The following PDCD7 variants were observed in gnomAD, a reference collection of about 807,000 sequenced individuals.
PDCD7 encodes the protein programmed cell death 7.
A neutral mutation model predicts 42.1 loss-of-function variants in PDCD7; 40 were observed. That is an observed-to-expected ratio of 0.95 (90% CI 0.74 to 1.24). The LOEUF is 1.24. Ranked by LOEUF, PDCD7 falls within the 50% of genes most tolerant of loss-of-function variation. The pLI is 0.00. For synonymous variants in PDCD7, 299 were observed against 303.3 expected (o/e 0.99, Z 0.15); for missense variants, 644 against 662.8 (o/e 0.97, Z 0.31).
At chr15:65,130,135 C>G (rs35566749) in intron 1 of PDCD7, among the ~76,000 whole-genome samples, 1 of 148,262 alleles carries the variant, frequency 6.7e-6, no homozygotes, top group African/African-American at 2.5e-5. Context: ...TGAGCCACTT[C>G]GCACCCGCCC....
At chr15:65,119,073 T>A (rs966793174) in intron 4 of PDCD7, 1 of 468,900 alleles carries the variant, frequency 2.1e-6, no homozygotes, top group African/African-American at 2.0e-5. Context: ...ATAAAGTCAA[T>A]CCTCATTATT....
At chr15:65,132,841 T>G in intron 1 of PDCD7, 71 bp downstream of exon 1, 20 of 1,581,756 alleles carry the variant, frequency 1.3e-5, no homozygotes, top group Non-Finnish European at 1.7e-5. Flanking sequence ...GAAATGGAAG[T>G]TTAAAGCCTC....
In PDCD7 at chr15:65,117,967, C is replaced by T. The variant is rs929392123; in HGVS notation, c.*750G>A. ...TGACTGAGTGAGGTTAGGGAAATAT[C>T]CTTGGGGATTCTGAACAACTAGACC... On this transcript the variant is annotated 3_prime_UTR_variant, in exon 5 of 5. Transcript: ENST00000204549. 6.6e-5 allele frequency: 10 copies of T among 152,146 alleles called. No individual in the cohort carries two copies. Among genetic ancestry groups the T allele is most frequent in the Admixed American group, 6.6e-4 (10 of 15,262 alleles). The allele number at this position is 152,146 out of a possible 1,614,324, so 9.4% of individuals were successfully genotyped here.
Position 65,133,420 on chromosome 15 carries a change from C to A in PDCD7, c.362G>T (p.Arg121Leu). Residue 121 changes from arginine (R) to leucine (L), a missense_variant, in exon 1 of 5, where the codon CGG (arginine) becomes CTG (leucine). Coordinates refer to ENST00000204549, the MANE Select transcript of PDCD7 (RefSeq NM_005707.2). ...CGGCGGCGGCGGCGCCTCAGGCCAC[C>A]GCGGGCTCCAGGGCGGCCCCGGGCC... ...PPGPGPPWSP[R>L]WPEAPPPPAD... 8.4e-7 allele frequency: 1 copy of A among 1,183,470 alleles called. No homozygotes were observed. The allele number at this position is 1,183,470 out of a possible 1,614,324, so 73.3% of individuals were successfully genotyped here. A position where few individuals can be genotyped will look rare whatever the true frequency, so the allele number is the denominator to read the frequency against.
Position 65,133,789 on chromosome 15 carries a change from A to G in PDCD7, c.-8T>C. 1 of 1,361,610 alleles carries G rather than the reference A, an allele frequency of 7.3e-7. No individual in the cohort carries two copies. Among genetic ancestry groups the G allele is most frequent in the Non-Finnish European group, 9.5e-7 (1 of 1,056,064 alleles). The allele number at this position is 1,361,610 out of a possible 1,614,324, so 84.3% of individuals were successfully genotyped here. ...GAATGGTGGCAGGGCCATGTTCACGACGGAGATGCTTTGAGAAGTGACAGG... is the reference window on the plus strand; with the variant it reads ...GAATGGTGGCAGGGCCATGTTCACGGCGGAGATGCTTTGAGAAGTGACAGG... On this transcript the variant is annotated 5_prime_UTR_variant, in exon 1 of 5. Coordinates refer to ENST00000204549, the MANE Select transcript of PDCD7 (RefSeq NM_005707.2).
Position 65,133,535 on chromosome 15 carries a change from C to T in PDCD7, c.247G>A (p.Val83Met), listed in dbSNP as rs188210891. 2.8e-3 allele frequency: 3,428 copies of T among 1,228,196 alleles called. 65 individuals are homozygous for T. The African/African-American group carries it at 0.048, about 17-fold the overall frequency. The allele number at this position is 1,228,196 out of a possible 1,614,324, so 76.1% of individuals were successfully genotyped here. ...GGAGGAGGCAGCGGCGGTGGTGGCA[C>T]CGGGTAGAAGGCGCCAGCGCCGCCT... ...GGGGAGAFYP[V>M]PPPPLPPPPP... The change falls in exon 1 of 5, where the codon GTG becomes ATG. Residue 83 changes from valine to methionine, a missense_variant. Val to Met is a conservative substitution (Grantham distance 21). Transcript: ENST00000204549.
chr15:65,124,876 C>A (rs150130243), intron 2 of PDCD7, among the ~76,000 whole-genome samples: 1 of 152,274 alleles, frequency 6.6e-6, no homozygotes, highest in East Asian at 1.9e-4. Flanking sequence ...AGCTACAGTA[C>A]TACTGGAAGA....
intron 1 of PDCD7, among the ~76,000 whole-genome samples, chr15:65,129,915 A>ATT (rs746709395): frequency 8.5e-4 from 72 of 84,954 alleles, no homozygotes; most frequent in Non-Finnish European, 1.1e-3. Flanking sequence ...GAAACTTTGT[A>ATT]TTTTTTTTTT....
Position 65,133,481 on chromosome 15 carries a change from T to C in PDCD7, c.301A>G (p.Thr101Ala). The C allele has an allele frequency of 8.2e-7, 1 of 1,220,946 alleles. No homozygotes were observed. Among genetic ancestry groups the C allele is most frequent in the Admixed American group, 4.3e-5 (1 of 23,216 alleles). 75.6% of individuals were successfully genotyped at this position (1,220,946 alleles called of 1,614,324 possible). ...GGCCGCGGCCGCTCGCCGGCGTCGG[T>C]CCCCGGGAAGGGCCGACACTGGGGC... ...PPPQCRPFPGTDAGERPRPPP... is the reference protein window; with the variant it reads ...PPPQCRPFPGADAGERPRPPP... Residue 101 changes from threonine to alanine, a missense_variant, in exon 1 of 5, where the codon ACC (threonine) becomes GCC (alanine). Physicochemically the swap from Thr to Ala is moderately conservative, Grantham distance 58 (BLOSUM62 0). Transcript: ENST00000204549.
In PDCD7 at chr15:65,119,900, A is replaced by G. The variant is rs1566971302; in HGVS notation, c.1064T>C (p.Leu355Pro). 6.2e-7 allele frequency: 1 copy of G among 1,614,144 alleles called. No individual in the cohort carries two copies. The highest frequency in any genetic ancestry group is 2.2e-5 in the East Asian group (1 of 44,874). The change falls in exon 3 of 5, where the codon CTG (leucine) becomes CCG (proline). Residue 355 changes from leucine (L) to proline (P), a missense_variant. Physicochemically the swap from Leu to Pro is moderately conservative, Grantham distance 98. Coordinates refer to ENST00000204549, the MANE Select transcript of PDCD7 (RefSeq NM_005707.2). ...AGAGCGCTTTTTAATGAGTTTTCTC[A>G]GTCGCTGAAGATGATGCGTAAAAGT... ...DETFTHHLQRLRKLIKKRSEL... is the reference protein window; with the variant it reads ...DETFTHHLQRPRKLIKKRSEL...
In PDCD7 at chr15:65,133,076, G is replaced by C. The variant is rs772368523; in HGVS notation, c.706C>G (p.Arg236Gly). 3 of 1,573,646 alleles carry C rather than the reference G, an allele frequency of 1.9e-6. No homozygotes were observed. The highest frequency in any genetic ancestry group is 2.6e-6 in the Non-Finnish European group (3 of 1,166,344). ...LTQAAYVGEA[R>G]RRLERVRRRR... is the part of the protein sequence containing the mutation. ...CGCCGGACCCTCTCCAGCCTCCTCC[G>C]CGCCTCGCCCACATAGGCAGCCTGG... Residue 236 changes from arginine (R) to glycine (G), a missense_variant, in exon 1 of 5, where the codon CGG becomes GGG. Coordinates refer to ENST00000204549, the MANE Select transcript of PDCD7 (RefSeq NM_005707.2).
Position 65,133,230 on chromosome 15 carries a change from C to A in PDCD7, c.552G>T (p.Leu184=). The A allele has an allele frequency of 7.2e-7, 1 of 1,379,762 alleles. No homozygotes were observed. The highest frequency in any genetic ancestry group is 9.3e-7 in the Non-Finnish European group (1 of 1,076,366). 85.5% of individuals were successfully genotyped at this position (1,379,762 alleles called of 1,614,324 possible). The change falls in exon 1 of 5, where the codon CTG becomes CTT. Residue 184 remains leucine, a synonymous_variant. Coordinates refer to ENST00000204549, the MANE Select transcript of PDCD7 (RefSeq NM_005707.2). The part of the protein sequence containing the change: ...VRARLLRALR[L]VRRLRGLSQA... ...GGCTCAGGCCGCGCAGCCGCCGCAC[C>A]AGGCGCAGAGCCCGGAGCAATCGCG...
At position 65,119,752 on chromosome 15, in the gene PDCD7, T is replaced by C. The variant is rs372185130; in HGVS notation, c.1212A>G (p.Lys404=). ...RKEKEKILLQ[K]REIESKLFGD... is the part of the protein sequence containing the mutation. ...CAAACAACTTGGACTCAATTTCACG[T>C]TTCTGAAGTAAAATTTTCTCTTTTT... is the stretch of plus-strand genomic sequence containing the variant. The change falls in exon 3 of 5, where the codon AAA becomes AAG. Residue 404 remains lysine (K), a synonymous_variant. Transcript: ENST00000204549. 2.5e-6 allele frequency: 4 copies of C among 1,612,174 alleles called. No homozygotes were observed. The African/African-American group carries it at 4.0e-5, about 16-fold the overall frequency.
Position 65,118,860 on chromosome 15 carries a change from A to AAC in PDCD7, c.1335-22_1335-21dup, listed in dbSNP as rs1376651225. The stretch of plus-strand genomic sequence containing the variant: ...TCATGCCTTAATAAGAACATTATAG[A>AAC]ACAACTATTTATTTCTGTTTTATTC... On this transcript the variant is annotated intron_variant, in intron 4 of 4. Coordinates refer to ENST00000204549, the MANE Select transcript of PDCD7 (RefSeq NM_005707.2). 6.6e-7 allele frequency: 1 copy of AAC among 1,525,334 alleles called. No homozygotes were observed. The highest frequency in any genetic ancestry group is 2.4e-5 in the East Asian group (1 of 41,288). 94.5% of individuals were successfully genotyped at this position (1,525,334 alleles called of 1,614,324 possible).
chr15:65,126,605 T>G (rs1238777753), intron 2 of PDCD7, among the ~76,000 whole-genome samples: 2 of 151,802 alleles, frequency 1.3e-5, no homozygotes, highest in African/African-American at 4.9e-5. Context: ...AATTTAAAAA[T>G]TAGCCAGGTG....
chr15:65,118,970 A>G (rs1052503582), intron 4 of PDCD7, 130 bp from the exon 5 acceptor site: 4 of 598,160 alleles, frequency 6.7e-6, no homozygotes, highest in Admixed American at 7.8e-5. Context: ...CTTGATTTCT[A>G]GGAATCAAGA....
chr15:65,129,318 T>G, intron 1 of PDCD7, 148 bp from the exon 2 acceptor site: 7 of 819,998 alleles, frequency 8.5e-6, no homozygotes, highest in Non-Finnish European at 1.3e-5. Flanking sequence ...TCTTAGGCCT[T>G]GCACAACTCC....
chr15:65,130,386 G>C (rs1045027674), intron 1 of PDCD7, among the ~76,000 whole-genome samples: 40 of 152,096 alleles, frequency 2.6e-4, no homozygotes, highest in African/African-American at 9.6e-4. Context: ...CCGAACTCCT[G>C]ACCTCAGGTG....
At chr15:65,119,346 A>G (rs1300333303) in intron 4 of PDCD7, 30 bp downstream of exon 4, 1 of 1,517,982 alleles carries the variant, frequency 6.6e-7, no homozygotes, top group Non-Finnish European at 9.1e-7. Context: ...ACCTAAGAGA[A>G]AGACAACATG....
Sources: gnomAD v4.1 joint callset for allele counts (sites outside exome capture counted in the v4.1 genomes callset) on GRCh38, gnomAD v4.1.1 for gene constraint, MANE v1.5 for transcripts, NCBI Gene and HGNC (gene_info 2026-07-23, HGNC 2026-07-21) for gene names.